Variants in MYO6 observed in about 807,000 individuals in gnomAD.
The protein encoded by MYO6 is unconventional myosin-VI.
A neutral mutation model predicts 178.7 loss-of-function variants in MYO6; 74 were observed. The observed-to-expected ratio is 0.41, with a 90% confidence interval of 0.34 to 0.50. MYO6 has a LOEUF of 0.50. Ranked by LOEUF, MYO6 falls within the 20% of genes least tolerant of loss-of-function variation. The pLI is 0.09. For synonymous variants in MYO6, 477 were observed against 504.6 expected, an observed-to-expected ratio of 0.95 and a Z score of 0.73; for missense variants, 1,330 against 1,547.4, an observed-to-expected ratio of 0.86 and a Z score of 2.36.
At chr6:75,875,773 A>G (rs1470676123) in intron 20 of MYO6, among the ~76,000 whole-genome samples, 2 of 152,108 alleles carry the variant, frequency 1.3e-5, no homozygotes, top group Non-Finnish European at 2.9e-5. Context: ...AGCTGTCACC[A>G]TCTCTTACCT....
chr6:75,791,440 C>A (rs1388326746), intron 1 of MYO6, among the ~76,000 whole-genome samples: 3 of 152,056 alleles, frequency 2.0e-5, no homozygotes, highest in African/African-American at 7.2e-5. Context: ...CAGTGTAAGG[C>A]TGTGAAACTT....
intron 6 of MYO6, among the ~76,000 whole-genome samples, chr6:75,834,787 G>A (rs1433284489): frequency 6.6e-6 from 1 of 152,120 alleles, no homozygotes; most frequent in Non-Finnish European, 1.5e-5. Context: ...AAAATCAATT[G>A]AAGAGTTTGT....
chr6:75,901,515 GCT>G (rs1369507988), intron 30 of MYO6, among the ~76,000 whole-genome samples: 2 of 151,980 alleles, frequency 1.3e-5, no homozygotes, highest in Non-Finnish European at 2.9e-5. Context: ...TCGTGATTTG[GCT>G]CTCTGTTTGT....
intron 11 of MYO6, among the ~76,000 whole-genome samples, chr6:75,854,611 T>A (rs1187398673): frequency 6.6e-6 from 1 of 152,172 alleles, no homozygotes; most frequent in East Asian, 1.9e-4. Flanking sequence ...ACTCAGCCTG[T>A]ACAGGTAATA....
At chr6:75,836,128 CCCG>C (rs1773619440) in intron 7 of MYO6, among the ~76,000 whole-genome samples, 172 bp downstream of exon 7, 1 of 152,192 alleles carries the variant, frequency 6.6e-6, no homozygotes, top group African/African-American at 2.4e-5. Flanking sequence ...TCTGCCCCCA[CCCG>C]CACCTCATGA....
At chr6:75,851,091 T>C (rs533628292) in intron 11 of MYO6, among the ~76,000 whole-genome samples, 47 of 152,336 alleles carry the variant, frequency 3.1e-4, no homozygotes, top group African/African-American at 9.1e-4. Context: ...TTACAATAAT[T>C]AATACACACT....
chr6:75,855,252 A>G lies in MYO6; in HGVS notation c.1192A>G (p.Thr398Ala). The change falls in exon 12 of 35, where the codon ACA (threonine) becomes GCA (alanine). Residue 398 changes from threonine to alanine, a missense_variant. Thr to Ala is a moderately conservative substitution (Grantham distance 58). This residue lies in a region of MYO6 where 613 missense variants were observed against 816.8 expected (regional missense o/e 0.75). Transcript: ENST00000369977. ...VSLTTRVMLTTAGGTKGTVIK... is the reference protein window; with the variant it reads ...VSLTTRVMLTAAGGTKGTVIK... Reference sequence around the variant, plus strand: ...TTTGACCACAAGAGTCATGCTAACAACAGCAGGGGGCACCAAAGGAACAGT... The same window carrying G: ...TTTGACCACAAGAGTCATGCTAACAGCAGCAGGGGGCACCAAAGGAACAGT... 1.2e-6 allele frequency: 2 copies of G among 1,613,714 alleles called. No individual in the cohort carries two copies. Among genetic ancestry groups the G allele is most frequent in the East Asian group, 4.5e-5 (2 of 44,834 alleles).
chr6:75,899,845 A>G (rs1395377635), intron 30 of MYO6, among the ~76,000 whole-genome samples: 1 of 145,578 alleles, frequency 6.9e-6, no homozygotes, highest in South Asian at 2.3e-4. Context: ...CTAACTCGTC[A>G]TCTAGCATTA....
chr6:75,908,700 T>C, intron 32 of MYO6, 73 bp downstream of exon 32: 2 of 1,501,196 alleles, frequency 1.3e-6, no homozygotes, highest in Non-Finnish European at 1.8e-6. Flanking sequence ...ACTTAAGACA[T>C]GGGTAAAATG....
At chr6:75,913,472 T>G (rs1209133246) in intron 33 of MYO6, among the ~76,000 whole-genome samples, 1 of 152,304 alleles carries the variant, frequency 6.6e-6, no homozygotes, top group South Asian at 2.1e-4. Flanking sequence ...ATAAGGTTTT[T>G]TTTGTCATAT....
intron 14 of MYO6, 78 bp from the exon 15 acceptor site, chr6:75,860,945 T>C (rs1341794042): frequency 9.3e-7 from 1 of 1,072,056 alleles, no homozygotes; most frequent in Non-Finnish European, 1.4e-6. Flanking sequence ...AATTAGCAAA[T>C]GTTATGTTCA....
chr6:75,761,095 C>G (rs1468054440), intron 1 of MYO6, among the ~76,000 whole-genome samples: 2 of 152,142 alleles, frequency 1.3e-5, no homozygotes, highest in East Asian at 3.8e-4. Context: ...TTTCTCTGCT[C>G]TTCTTGTTCA....
intron 1 of MYO6, among the ~76,000 whole-genome samples, chr6:75,760,180 A>G (rs748812417): frequency 1.3e-5 from 2 of 152,276 alleles, no homozygotes; most frequent in Middle Eastern, 3.4e-3. Flanking sequence ...GACACATTAA[A>G]TTTCTGTATA....
intron 10 of MYO6, among the ~76,000 whole-genome samples, chr6:75,847,517 CT>C (rs994588815): frequency 3.0e-4 from 45 of 151,884 alleles, no homozygotes; most frequent in African/African-American, 1.0e-3. Flanking sequence ...TGACTTTCTT[CT>C]TTTTTTCTTC....
intron 12 of MYO6, 77 bp from the exon 13 acceptor site, chr6:75,857,020 A>C: frequency 7.4e-7 from 1 of 1,350,912 alleles, no homozygotes; most frequent in Non-Finnish European, 1.1e-6. Flanking sequence ...CTCTGTGTGT[A>C]TGTTTAGGTG....
At chr6:75,894,914 G>A in intron 28 of MYO6, 1 of 1,007,466 alleles carries the variant, frequency 9.9e-7, no homozygotes, top group African/African-American at 1.7e-5. Context: ...GATTCTTGAT[G>A]CAAAGAGATG....
intron 30 of MYO6, among the ~76,000 whole-genome samples, chr6:75,901,406 G>A (rs550335160): frequency 1.3e-5 from 2 of 152,162 alleles, no homozygotes; most frequent in East Asian, 3.8e-4. Context: ...TCCTTGAGCA[G>A]TGATTTGTAG....
chr6:75,886,052 A>T lies in MYO6; in HGVS notation c.2465A>T (p.Lys822Ile). The T allele has an allele frequency of 1.9e-6, 3 of 1,612,866 alleles. No homozygotes were observed. The highest frequency in any genetic ancestry group is 2.5e-6 in the Non-Finnish European group (3 of 1,179,236). ...YRAEACIKMQKTIRMWLCKRR... is the reference protein window; with the variant it reads ...YRAEACIKMQITIRMWLCKRR... Reference sequence around the variant, plus strand: ...GCTGAAGCCTGCATTAAAATGCAAAAAACTATTCGAATGTGGCTTTGCAAG... The same window carrying T: ...GCTGAAGCCTGCATTAAAATGCAAATAACTATTCGAATGTGGCTTTGCAAG... Residue 822 changes from lysine to isoleucine, a missense_variant, in exon 24 of 35, where the codon AAA becomes ATA. This residue lies in a region of MYO6 where 601 missense variants were observed against 626.1 expected (regional missense o/e 0.96). Transcript: ENST00000369977.
rs532906277 is a variant in MYO6, at chr6:75,776,260, A to T, written c.-48+26837A>T. ...GTGAATATATTGTCACTTTTTAAAT[A>T]TTGTTTTCTCCAAATATAAATTCTA... is the stretch of plus-strand genomic sequence containing the variant. On this transcript the variant is annotated intron_variant, in intron 1 of 34. Transcript: ENST00000369977. Among the ~76,000 whole-genome samples, 7 of 152,290 alleles carry T rather than the reference A, an allele frequency of 4.6e-5. No individual in the cohort carries two copies. In the East Asian group the frequency reaches 1.3e-3, roughly 29 times the overall value.
Sources: gnomAD v4.1 joint callset for allele counts (sites outside exome capture counted in the v4.1 genomes callset) on GRCh38, gnomAD v4.1.1 for gene constraint, gnomAD v4.1.1 regional missense constraint, MANE v1.5 for transcripts, NCBI Gene and HGNC (gene_info 2026-07-23, HGNC 2026-07-21) for gene names.